Variants in DLGAP2 observed in about 807,000 individuals in gnomAD.
DLGAP2 encodes the protein disks large-associated protein 2.
Under a neutral mutation model 100.3 loss-of-function variants are expected in DLGAP2, and 26 were observed. The observed-to-expected ratio is 0.26, with a 90% CI of 0.19 to 0.36. DLGAP2 has a LOEUF of 0.36. Among genes scored for constraint, DLGAP2 ranks in the 10% least tolerant of loss-of-function variants. The pLI is 1.00. For synonymous variants in DLGAP2, 886 were observed against 630.1 expected, an observed-to-expected ratio of 1.41 and a Z score of -6.08; for missense variants, 1,858 against 1,453.2, an observed-to-expected ratio of 1.28 and a Z score of -4.53.
intron 3 of DLGAP2, among the ~76,000 whole-genome samples, chr8:1,288,046 GT>G (rs1799980465): frequency 6.9e-6 from 1 of 145,560 alleles, no homozygotes; most frequent in Non-Finnish European, 1.5e-5. Context: ...GTGTGTGTGT[GT>G]GTGTATGGTT....
At chr8:990,375 CCCCCA>C in intron 2 of DLGAP2, among the ~76,000 whole-genome samples, 2 of 103,792 alleles carry the variant, frequency 1.9e-5, no homozygotes, top group African/African-American at 7.2e-5. Flanking sequence ...ACCCCCTGCA[CCCCCA>C]TACTCGGAGT....
At chr8:1,691,710 G>C (rs988486144) in intron 13 of DLGAP2, 84 bp downstream of exon 13, 1 of 1,192,944 alleles carries the variant, frequency 8.4e-7, no homozygotes, top group Non-Finnish European at 1.2e-6. Context: ...TTTCTTCCTT[G>C]TCAAAGAGTT....
At chr8:1,009,973 C>G (rs1297134392) in intron 2 of DLGAP2, among the ~76,000 whole-genome samples, 1 of 152,222 alleles carries the variant, frequency 6.6e-6, no homozygotes, top group East Asian at 1.9e-4. Flanking sequence ...AAGCTGCTAG[C>G]ACAACTTATC....
chr8:1,193,089 T>A (rs1797674188), intron 2 of DLGAP2, among the ~76,000 whole-genome samples: 2 of 152,194 alleles, frequency 1.3e-5, no homozygotes, highest in Non-Finnish European at 2.9e-5. Context: ...ACATTTGGGT[T>A]GCTTCCAAGT....
chr8:1,368,191 T>C (rs1802152412), intron 3 of DLGAP2, among the ~76,000 whole-genome samples: 1 of 152,224 alleles, frequency 6.6e-6, no homozygotes, highest in Non-Finnish European at 1.5e-5. Context: ...TATGTGCACG[T>C]GTGTGTACGT....
At chr8:1,565,523 C>T in intron 5 of DLGAP2, 160 bp from the exon 6 acceptor site, 3 of 605,856 alleles carry the variant, frequency 5.0e-6, no homozygotes, top group Admixed American at 3.5e-5. Context: ...TATTCATTTC[C>T]TTTTAGGATA....
At position 1,668,064 on chromosome 8, in the gene DLGAP2, C is replaced by T. The variant is rs143188740; in HGVS notation, c.1811-265C>T. Among the ~76,000 whole-genome samples the T allele has an allele frequency of 3.6e-3, 549 of 150,714 alleles. 4 individuals carry two copies. Among genetic ancestry groups the T allele is most frequent in the African/African-American group, 0.012 (509 of 41,128 alleles). On this transcript the variant is annotated intron_variant, in intron 8 of 14. Transcript: ENST00000637795. The stretch of plus-strand genomic sequence containing the variant: ...TTGTCGGTATTTTTAAATGATGCCA[C>T]GCCTGCGTGCTGTCCTGCAGGGACG...
chr8:904,380 C>T (rs571093419), intron 1 of DLGAP2, among the ~76,000 whole-genome samples: 19 of 152,196 alleles, frequency 1.2e-4, no homozygotes, highest in Middle Eastern at 3.4e-3. Context: ...ATTAGCCAGG[C>T]GTGGTGGCAG....
intron 2 of DLGAP2, among the ~76,000 whole-genome samples, chr8:965,759 G>A (rs568166919): frequency 1.5e-4 from 19 of 127,078 alleles, no homozygotes; most frequent in South Asian, 2.6e-4. Context: ...TCCTGAGTCT[G>A]ACCCCTGCGC....
intron 2 of DLGAP2, among the ~76,000 whole-genome samples, chr8:1,005,933 C>G (rs753913561): frequency 1.3e-5 from 2 of 152,172 alleles, no homozygotes; most frequent in African/African-American, 2.4e-5. Flanking sequence ...ACACCCTGGT[C>G]TGGCGCGGTG....
intron 1 of DLGAP2, among the ~76,000 whole-genome samples, chr8:760,235 C>A (rs976961915): frequency 6.6e-6 from 1 of 152,132 alleles, no homozygotes. Context: ...CAGTGTGACG[C>A]CTCCTGTCTC....
At chr8:1,292,134 C>T (rs1194514822) in intron 3 of DLGAP2, among the ~76,000 whole-genome samples, 2 of 152,152 alleles carry the variant, frequency 1.3e-5, no homozygotes, top group Non-Finnish European at 2.9e-5. Flanking sequence ...CAGCAAAAAC[C>T]CTGGACACCC....
intron 2 of DLGAP2, among the ~76,000 whole-genome samples, chr8:1,061,999 G>C (rs958380629): frequency 1.3e-5 from 2 of 151,438 alleles, no homozygotes; most frequent in East Asian, 3.9e-4. Flanking sequence ...GGTGGCTCCT[G>C]TCTAAATAGG....
intron 2 of DLGAP2, among the ~76,000 whole-genome samples, chr8:1,018,517 T>C (rs1276856267): frequency 6.6e-6 from 1 of 152,226 alleles, no homozygotes; most frequent in Non-Finnish European, 1.5e-5. Flanking sequence ...GCAGTCCCAG[T>C]GGCTGAAGGC....
intron 2 of DLGAP2, among the ~76,000 whole-genome samples, chr8:1,172,346 C>T (rs1335920820): frequency 6.6e-6 from 1 of 151,866 alleles, no homozygotes; most frequent in Admixed American, 6.6e-5. Flanking sequence ...TTTGGTGAAT[C>T]TGACCATTAT....
intron 3 of DLGAP2, among the ~76,000 whole-genome samples, chr8:1,276,781 TTTAA>T: frequency 6.6e-6 from 1 of 152,206 alleles, no homozygotes. Context: ...GTTTTCATTG[TTTAA>T]TTGATATTTT....
At chr8:790,869 C>G (rs1822007047) in intron 1 of DLGAP2, among the ~76,000 whole-genome samples, 1 of 152,122 alleles carries the variant, frequency 6.6e-6, no homozygotes, top group African/African-American at 2.4e-5. Context: ...CCTCAGCCTC[C>G]TGAGTAGCTG....
chr8:796,563 T>G (rs1796041174), intron 1 of DLGAP2, among the ~76,000 whole-genome samples: 2 of 152,328 alleles, frequency 1.3e-5, no homozygotes, highest in Middle Eastern at 6.8e-3. Flanking sequence ...AGGTGCTTAC[T>G]GGCCTTCCTT....
chr8:1,310,980 C>T (rs918619684), intron 3 of DLGAP2, among the ~76,000 whole-genome samples: 1 of 151,538 alleles, frequency 6.6e-6, no homozygotes, highest in South Asian at 2.1e-4. Flanking sequence ...AATAGAGTAT[C>T]AACAAAACTG....
Sources: allele counts gnomAD v4.1 joint callset (sites outside exome capture counted in the v4.1 genomes callset), GRCh38; gene constraint gnomAD v4.1.1; transcripts MANE v1.5; gene names NCBI Gene and HGNC (gene_info 2026-07-23, HGNC 2026-07-21).